The following DDX25 variants were observed in gnomAD, a reference collection of about 807,000 sequenced individuals.
The protein encoded by DDX25 is DEAD-box helicase 25, also known as ATP-dependent RNA helicase DDX25.
DDX25 carries 70 observed loss-of-function variants against 64.6 expected under a neutral mutation model. The observed-to-expected ratio is 1.08, with a 90% confidence interval of 0.89 to 1.32. DDX25 has a LOEUF of 1.32. Ranked by LOEUF, DDX25 falls within the 40% of genes most tolerant of loss-of-function variation. The pLI, the probability that DDX25 is intolerant of heterozygous loss-of-function variation, is 0.00. For synonymous variants in DDX25, 211 were observed against 213.3 expected (o/e 0.99, Z 0.09); for missense variants, 587 against 604.4 (o/e 0.97, Z 0.30).
rs1243212477 is a variant in DDX25, at chr11:125,923,112, C to G, written c.*231C>G. The G allele has an allele frequency of 7.8e-6, 4 of 511,190 alleles. No homozygotes were observed. The Admixed American group carries it at 1.4e-4, about 18-fold the overall frequency. 31.7% of individuals were successfully genotyped at this position (511,190 alleles called of 1,614,324 possible). ...AGGCAAGATTATTTCTTATTCTAAT[C>G]TTTGTACAGGTAATGTCTCAATGTG... On this transcript the variant is annotated 3_prime_UTR_variant, in exon 12 of 12. Transcript: ENST00000263576.
In DDX25 at chr11:125,920,919, TACAC is replaced by T. The variant is rs3034729; in HGVS notation, c.1202-241_1202-238del. On this transcript the variant is annotated intron_variant, in intron 10 of 11. Coordinates refer to ENST00000263576, the MANE Select transcript of DDX25 (RefSeq NM_013264.5). Reference sequence around the variant, plus strand: ...GGCACCTCTCCACCACACACACACATACACACACACACACACACACACACACACA... The same window carrying T: ...GGCACCTCTCCACCACACACACACATACACACACACACACACACACACACA... The T allele has an allele frequency of 0.31, 80,817 of 264,238 alleles. 9,461 individuals are homozygous for T. The highest frequency in any genetic ancestry group is 0.4 in the Admixed American group (8,694 of 21,992). The allele number at this position is 264,238 out of a possible 1,614,324, so 16.4% of individuals were successfully genotyped here.
rs1319961917 is a variant in DDX25, at chr11:125,904,595, G to A, written c.63+15G>A. The A allele has an allele frequency of 4.8e-6, 7 of 1,459,344 alleles. No homozygotes were observed. The Admixed American group carries it at 1.5e-4, about 31-fold the overall frequency. 90.4% of individuals were successfully genotyped at this position (1,459,344 alleles called of 1,614,324 possible). A position where few individuals can be genotyped will look rare whatever the true frequency, so the allele number is the denominator to read the frequency against. On this transcript the variant is annotated intron_variant, in intron 1 of 11. Coordinates refer to ENST00000263576, the MANE Select transcript of DDX25 (RefSeq NM_013264.5). ...TGAACAGCCACGTAACCGCCACCGAGCCGGGGGGCCACAGCCGCGGGGGTG... is the reference window on the plus strand; with the variant it reads ...TGAACAGCCACGTAACCGCCACCGAACCGGGGGGCCACAGCCGCGGGGGTG...
intron 8 of DDX25, 103 bp from the exon 9 acceptor site, chr11:125,916,911 G>A (rs907508203): frequency 6.2e-5 from 70 of 1,131,006 alleles, no homozygotes; most frequent in Middle Eastern, 2.5e-4. Flanking sequence ...AGCACCTCAC[G>A]TGGAACAGGG....
chr11:125,911,162 C>A, intron 7 of DDX25, 149 bp from the exon 8 acceptor site: 2 of 719,892 alleles, frequency 2.8e-6, no homozygotes, highest in Non-Finnish European at 3.9e-6. Context: ...TCTGCAGAAT[C>A]AAAAACCACA....
intron 8 of DDX25, among the ~76,000 whole-genome samples, chr11:125,914,905 G>C (rs1241635273): frequency 2.6e-5 from 4 of 152,090 alleles, no homozygotes; most frequent in African/African-American, 9.7e-5. Flanking sequence ...ACCACACCCA[G>C]CTAATTTTTG....
At chr11:125,906,304 G>T in intron 4 of DDX25, 95 bp downstream of exon 4, 4 of 1,349,966 alleles carry the variant, frequency 3.0e-6, no homozygotes, top group South Asian at 1.7e-5. Context: ...TCTCCTCTTT[G>T]TTTTCTGATA....
rs1246112739 is a variant in DDX25, at chr11:125,906,262, A to G, written c.311+53A>G. On this transcript the variant is annotated intron_variant, in intron 4 of 11. Coordinates refer to ENST00000263576, the MANE Select transcript of DDX25 (RefSeq NM_013264.5). ...GAAAAATGCTGAAAACCACAGAACA[A>G]ACGCATCTGCTTATAGTAAAAACCA... 3.3e-6 allele frequency: 5 copies of G among 1,495,106 alleles called. No individual in the cohort carries two copies. The East Asian group carries it at 1.3e-4, about 38-fold the overall frequency. 92.6% of individuals were successfully genotyped at this position (1,495,106 alleles called of 1,614,324 possible).
rs969307829 is a variant in DDX25, at chr11:125,927,372, A to T, written c.*4491A>T. ...AGCCAGAGGCTCTGATATAATAAAG[A>T]TGAGCTCTGAAGAGGGGCTCTCTCT... On this transcript the variant is annotated 3_prime_UTR_variant, in exon 12 of 12. Coordinates refer to ENST00000263576, the MANE Select transcript of DDX25 (RefSeq NM_013264.5). The T allele has an allele frequency of 6.6e-6, 1 of 152,206 alleles. No homozygotes were observed. The highest frequency in any genetic ancestry group is 6.5e-5 in the Admixed American group (1 of 15,286). 9.4% of individuals were successfully genotyped at this position (152,206 alleles called of 1,614,324 possible).
chr11:125,905,163 C>G lies in DDX25; in HGVS notation c.64-49C>G, dbSNP rs996164745. 5.2e-6 allele frequency: 8 copies of G among 1,530,118 alleles called. No homozygotes were observed. The African/African-American group carries it at 9.6e-5, about 18-fold the overall frequency. The allele number at this position is 1,530,118 out of a possible 1,614,324, so 94.8% of individuals were successfully genotyped here. On this transcript the variant is annotated intron_variant, in intron 1 of 11. Transcript: ENST00000263576. Reference sequence around the variant, plus strand: ...CCTGTGGTAGGGAAGCACTGGGCTGCTTGAGGGCTTGCATCCTAATATTGG... The same window carrying G: ...CCTGTGGTAGGGAAGCACTGGGCTGGTTGAGGGCTTGCATCCTAATATTGG...
At chr11:125,907,118 A>G (rs1944898950) in intron 4 of DDX25, among the ~76,000 whole-genome samples, 1 of 152,198 alleles carries the variant, frequency 6.6e-6, no homozygotes, top group South Asian at 2.1e-4. Flanking sequence ...TGCATTCCCT[A>G]GGGATTTATC....
chr11:125,911,161 T>C, intron 7 of DDX25, 150 bp from the exon 8 acceptor site: 1 of 714,134 alleles, frequency 1.4e-6, no homozygotes, highest in Non-Finnish European at 2.0e-6. Context: ...TTCTGCAGAA[T>C]CAAAAACCAC....
At chr11:125,904,327 C>T (rs1449992131), upstream of DDX25, 5 of 415,162 alleles carry the variant, frequency 1.2e-5, no homozygotes, top group African/African-American at 6.2e-5. Context: ...GCCCCCCGCC[C>T]CGCTCTCTGC....
chr11:125,913,434 T>C (rs980207913), intron 8 of DDX25, among the ~76,000 whole-genome samples: 1 of 152,212 alleles, frequency 6.6e-6, no homozygotes, highest in Non-Finnish European at 1.5e-5. Context: ...ATTGTACCTG[T>C]AAATTTGATC....
At chr11:125,905,906 A>G (rs973408387) in intron 3 of DDX25, among the ~76,000 whole-genome samples, 168 bp from the exon 4 acceptor site, 7 of 152,236 alleles carry the variant, frequency 4.6e-5, no homozygotes, top group African/African-American at 1.7e-4. Context: ...CTGAATCCTC[A>G]TAAAGAACGA....
chr11:125,912,604 A>T (rs780651201), intron 8 of DDX25, among the ~76,000 whole-genome samples: 2 of 152,252 alleles, frequency 1.3e-5, no homozygotes, highest in Non-Finnish European at 2.9e-5. Flanking sequence ...CATTCGGTAC[A>T]AGCACAATTT....
At chr11:125,910,062 C>G (rs1445746807) in intron 6 of DDX25, among the ~76,000 whole-genome samples, 1 of 152,092 alleles carries the variant, frequency 6.6e-6, no homozygotes. Flanking sequence ...CATTCTTCCC[C>G]CTCCTATGCC....
chr11:125,905,281 G>T lies in DDX25; in HGVS notation c.130+3G>T, dbSNP rs367864629. 54 of 1,551,514 alleles carry T rather than the reference G, an allele frequency of 3.5e-5. No individual in the cohort carries two copies. Among genetic ancestry groups the T allele is most frequent in the East Asian group, 1.7e-4 (7 of 40,932 alleles). On this transcript the variant is annotated splice_donor_region_variant and intron_variant, in intron 2 of 11. Transcript: ENST00000263576. Reference sequence around the variant, plus strand: ...GAGTACTGCAGTCCGAAACATAGGTGAGTGCTGTTAGGGCAAAGCAGAGCG... The same window carrying T: ...GAGTACTGCAGTCCGAAACATAGGTTAGTGCTGTTAGGGCAAAGCAGAGCG...
In DDX25 at chr11:125,917,050, A is replaced by G; in HGVS notation, c.837A>G (p.Ser279=). ...LPSECQMLLF[S]ATFEDSVWHF... ...CCGAATGCCAAATGCTCCTCTTTTC[A>G]GCAACCTTTGAGGACTCTGTGTGGC... Residue 279 remains serine, a synonymous_variant, in exon 9 of 12, where the codon TCA becomes TCG. Transcript: ENST00000263576. 6.2e-7 allele frequency: 1 copy of G among 1,607,088 alleles called. No individual in the cohort carries two copies. The highest frequency in any genetic ancestry group is 8.5e-7 in the Non-Finnish European group (1 of 1,177,086).
rs1247234286 is a variant in DDX25 at position 125,926,851 on chromosome 11, CT to C, written c.*3972del. ...CATCAGCCACGGCGCCCAGCCTCCC[CT>C]TCTCATTTCTGTCTGCTGACTCCTC... is the stretch of plus-strand genomic sequence containing the variant. On this transcript the variant is annotated 3_prime_UTR_variant, in exon 12 of 12. Coordinates refer to ENST00000263576, the MANE Select transcript of DDX25 (RefSeq NM_013264.5). The C allele has an allele frequency of 6.6e-6, 1 of 152,248 alleles. No homozygotes were observed. The highest frequency in any genetic ancestry group is 1.5e-5 in the Non-Finnish European group (1 of 68,112). The allele number at this position is 152,248 out of a possible 1,614,324, so 9.4% of individuals were successfully genotyped here.
Sources: gnomAD v4.1 joint callset for allele counts (sites outside exome capture counted in the v4.1 genomes callset) on GRCh38, gnomAD v4.1.1 for gene constraint, MANE v1.5 for transcripts, NCBI Gene and HGNC (gene_info 2026-07-23, HGNC 2026-07-21) for gene names.